TMEM132B: variants seen among roughly 807,000 people sequenced by gnomAD.
TMEM132B encodes the protein transmembrane protein 132B.
A neutral mutation model predicts 90.8 loss-of-function variants in TMEM132B; 18 were observed. That is an observed-to-expected ratio of 0.20 (90% CI 0.14 to 0.29). The LOEUF (loss-of-function observed/expected upper bound fraction) is 0.29. TMEM132B is among the 10% of genes least tolerant of loss of function. The pLI is 1.00. For missense variants in TMEM132B, 1,096 were observed against 1,326.8 expected, an observed-to-expected ratio of 0.83 and a Z score of 2.70; for synonymous variants, 504 against 523.3, an observed-to-expected ratio of 0.96 and a Z score of 0.50.
intron 4 of TMEM132B, among the ~76,000 whole-genome samples, chr12:125,539,697 G>T (rs1322477378): frequency 6.6e-6 from 1 of 152,166 alleles, no homozygotes; most frequent in Non-Finnish European, 1.5e-5. Flanking sequence ...ACTCTCTAGT[G>T]ATGTCACCCT....
rs1872878366 is a variant in TMEM132B, at chr12:125,194,283, A to T, written c.67+7417A>T. ...ATTAACCCGTTGGTGGGGGGGTCTTACTCATTGTGGCCACGCCTCCGAGTC... is the reference window on the plus strand; with the variant it reads ...ATTAACCCGTTGGTGGGGGGGTCTTTCTCATTGTGGCCACGCCTCCGAGTC... On this transcript the variant is annotated intron_variant, in intron 1 of 8. Transcript: ENST00000682704. 7.4e-5 allele frequency among the ~76,000 whole-genome samples: 11 copies of T among 148,888 alleles called. No homozygotes were observed. The South Asian group carries it at 2.3e-3, about 32-fold the overall frequency.
intron 3 of TMEM132B, among the ~76,000 whole-genome samples, chr12:125,505,179 A>C (rs200268971): frequency 0.09 from 12,651 of 140,840 alleles, 1,198 homozygotes; most frequent in Admixed American, 0.24. Flanking sequence ...AAAAAAAAAA[A>C]AAAAAAAAAA....
At chr12:125,279,422 C>T (rs994777266) in intron 1 of TMEM132B, among the ~76,000 whole-genome samples, 24 of 152,296 alleles carry the variant, frequency 1.6e-4, no homozygotes, top group Middle Eastern at 6.8e-3. Flanking sequence ...TTATGGTGAA[C>T]ACTTGCTTTC....
At chr12:125,626,678 T>A (rs1053083558) in intron 5 of TMEM132B, among the ~76,000 whole-genome samples, 7 of 152,198 alleles carry the variant, frequency 4.6e-5, no homozygotes, top group Non-Finnish European at 1.0e-4. Context: ...GTTATCCATC[T>A]TCTTCTGTAG....
chr12:125,336,511 A>G (rs1001918723), intron 1 of TMEM132B, among the ~76,000 whole-genome samples: 11 of 152,216 alleles, frequency 7.2e-5, no homozygotes, highest in African/African-American at 2.4e-4. Context: ...TTAGACTTAC[A>G]TGGTTTGCAT....
At chr12:125,243,224 A>C (rs1239462769) in intron 1 of TMEM132B, among the ~76,000 whole-genome samples, 2 of 151,058 alleles carry the variant, frequency 1.3e-5, no homozygotes, top group Non-Finnish European at 2.9e-5. Flanking sequence ...GCTCACTGCA[A>C]CCTCTGCCTC....
At chr12:125,285,420 G>C (rs1875322084) in intron 1 of TMEM132B, among the ~76,000 whole-genome samples, 1 of 152,206 alleles carries the variant, frequency 6.6e-6, no homozygotes, top group Non-Finnish European at 1.5e-5. Flanking sequence ...GCGTGGTCGT[G>C]GCTCAGCGTC....
chr12:125,545,631 A>T (rs11611558), intron 4 of TMEM132B, among the ~76,000 whole-genome samples: 1 of 152,252 alleles, frequency 6.6e-6, no homozygotes, highest in Non-Finnish European at 1.5e-5. Flanking sequence ...ACTGTGATTA[A>T]GACGGTTCAA....
intron 3 of TMEM132B, among the ~76,000 whole-genome samples, chr12:125,510,413 G>C (rs1882948522): frequency 6.6e-6 from 1 of 152,166 alleles, no homozygotes; most frequent in African/African-American, 2.4e-5. Flanking sequence ...TGGGAAGTGG[G>C]GCAATGGGTT....
intron 2 of TMEM132B, among the ~76,000 whole-genome samples, chr12:125,363,386 G>A (rs1878022043): frequency 6.6e-6 from 1 of 152,132 alleles, no homozygotes; most frequent in African/African-American, 2.4e-5. Context: ...AAGCTGCCTG[G>A]ATCCAGCCTA....
intron 3 of TMEM132B, among the ~76,000 whole-genome samples, chr12:125,440,277 A>G (rs556435087): frequency 2.0e-5 from 3 of 152,302 alleles, no homozygotes; most frequent in South Asian, 4.1e-4. Flanking sequence ...TTTGTCAGAG[A>G]AACACTCACA....
chr12:125,412,650 A>C (rs1199945852), intron 2 of TMEM132B, among the ~76,000 whole-genome samples: 1 of 151,982 alleles, frequency 6.6e-6, no homozygotes, highest in African/African-American at 2.4e-5. Flanking sequence ...TGGTGAAAGA[A>C]CTCTGTGGGA....
At chr12:125,438,302 A>T (rs575237288) in intron 3 of TMEM132B, among the ~76,000 whole-genome samples, 1 of 152,336 alleles carries the variant, frequency 6.6e-6, no homozygotes, top group Admixed American at 6.5e-5. Flanking sequence ...AGAGAGGTGT[A>T]ACTCTTAAGG....
chr12:125,259,976 G>A (rs764103797), intron 1 of TMEM132B, among the ~76,000 whole-genome samples: 1 of 152,078 alleles, frequency 6.6e-6, no homozygotes, highest in Non-Finnish European at 1.5e-5. Flanking sequence ...GGCAGCCATC[G>A]TCCTAGGGAA....
chr12:125,514,316 A>G (rs1453367710), intron 3 of TMEM132B, among the ~76,000 whole-genome samples: 3 of 152,284 alleles, frequency 2.0e-5, no homozygotes, highest in South Asian at 2.1e-4. Context: ...TGTCAGCACT[A>G]CAGTCAGGGC....
At chr12:125,431,682 G>A (rs1354092269) in intron 3 of TMEM132B, among the ~76,000 whole-genome samples, 1 of 152,216 alleles carries the variant, frequency 6.6e-6, no homozygotes, top group Non-Finnish European at 1.5e-5. Context: ...TGGCTTTTGG[G>A]TGCTAGACAT....
At chr12:125,650,591 T>C in intron 6 of TMEM132B, 92 bp from the exon 7 acceptor site, 1 of 1,466,578 alleles carries the variant, frequency 6.8e-7, no homozygotes, top group Admixed American at 1.9e-5. Flanking sequence ...TTTCATTTCA[T>C]TCTGTGGGCT....
rs1054027113 is a variant in TMEM132B, at chr12:125,319,356, C to T, written c.68-30096C>T. The stretch of plus-strand genomic sequence containing the variant: ...AGGCAGAGGAAGAGGGGAGAAGTAA[C>T]GAGAACTTGGCTTTCCAGTATGGGT... On this transcript the variant is annotated intron_variant, in intron 1 of 8. Transcript: ENST00000682704. 8.5e-5 allele frequency among the ~76,000 whole-genome samples: 13 copies of T among 152,292 alleles called. No homozygotes were observed. In the South Asian group the frequency reaches 1.5e-3, roughly 17 times the overall value.
At chr12:125,404,464 A>G (rs1879409038) in intron 2 of TMEM132B, among the ~76,000 whole-genome samples, 1 of 152,192 alleles carries the variant, frequency 6.6e-6, no homozygotes, top group Admixed American at 6.5e-5. Context: ...ACATCTCACA[A>G]GGTAGGAGGC....
Sources: allele counts gnomAD v4.1 joint callset (sites outside exome capture counted in the v4.1 genomes callset), GRCh38; gene constraint gnomAD v4.1.1; transcripts MANE v1.5; gene names NCBI Gene and HGNC (gene_info 2026-07-23, HGNC 2026-07-21).